Variants in NAIP observed in about 807,000 individuals in gnomAD.
NAIP encodes the protein baculoviral IAP repeat-containing protein 1.
A neutral mutation model predicts 23.0 loss-of-function variants in NAIP; 15 were observed. The ratio of observed to expected loss-of-function variants is 0.65; its 90% confidence interval spans 0.44 to 1.00. NAIP has a LOEUF of 1.00. Ranked by LOEUF, NAIP falls within the 50% of genes least tolerant of loss-of-function variation. The pLI is 0.00. For synonymous variants in NAIP, 100 were observed against 100.2 expected (o/e 1.00, Z 0.01); for missense variants, 265 against 278.8 (o/e 0.95, Z 0.35).
intron 3 of NAIP, among the ~76,000 whole-genome samples, chr5:71,014,417 GATTA>G (rs1561519378): frequency 6.6e-6 from 1 of 151,326 alleles, no homozygotes; most frequent in Non-Finnish European, 1.5e-5. Flanking sequence ...CCCACACCGG[GATTA>G]CAGACGTGAG....
chr5:71,013,785 G>T (rs1751292028), intron 3 of NAIP, among the ~76,000 whole-genome samples: 1 of 151,374 alleles, frequency 6.6e-6, no homozygotes, highest in African/African-American at 2.4e-5. Context: ...TTGGTAAGAA[G>T]CTCCATCAGC....
intron 3 of NAIP, among the ~76,000 whole-genome samples, chr5:71,014,104 T>C (rs1173259534): frequency 1.5e-5 from 2 of 131,992 alleles, no homozygotes; most frequent in African/African-American, 3.0e-5. Context: ...TAATTCCTCC[T>C]TTTTTTTTTT....
At chr5:71,010,067 G>A (rs1217034530) in intron 5 of NAIP, among the ~76,000 whole-genome samples, 1 of 151,466 alleles carries the variant, frequency 6.6e-6, no homozygotes, top group Non-Finnish European at 1.5e-5. Context: ...TTACCTTCCA[G>A]CATACACCAT....
chr5:71,009,362 CAA>C (rs555440243), intron 5 of NAIP, among the ~76,000 whole-genome samples: 7 of 99,672 alleles, frequency 7.0e-5, no homozygotes, highest in Admixed American at 2.1e-4. Flanking sequence ...AACTCACTCT[CAA>C]AAAAAAAAAA....
Position 71,015,213 on chromosome 5 carries a change from A to C in NAIP, c.-3-2295T>G, listed in dbSNP as rs150840497. ...GCAACTTAGTGAGATCCTTGTCTCTACAAAAAATTTTAAAAATTAGCCAGA... is the reference window on the plus strand; with the variant it reads ...GCAACTTAGTGAGATCCTTGTCTCTCCAAAAAATTTTAAAAATTAGCCAGA... On this transcript the variant is annotated intron_variant, in intron 3 of 16. Transcript: ENST00000517649. Among the ~76,000 whole-genome samples, 50 of 151,608 alleles carry C rather than the reference A, an allele frequency of 3.3e-4. No homozygotes were observed. The East Asian group carries it at 9.5e-3, about 29-fold the overall frequency.
Position 71,012,817 on chromosome 5 carries a change from C to T in NAIP, c.99G>A (p.Gln33=). The T allele has an allele frequency of 6.2e-7, 1 of 1,611,980 alleles. No homozygotes were observed. The highest frequency in any genetic ancestry group is 8.5e-7 in the Non-Finnish European group (1 of 1,178,524). Residue 33 remains glutamine, a synonymous_variant, in exon 4 of 17, where the codon CAG becomes CAA. Transcript: ENST00000517649. ...LSALLGLDAV[Q]LAKELEEEEQ... ...CCTCTTCTTCTAGTTCCTTTGCCAA[C>T]TGAACTGCATCTAGGCCCAGAAGAG...
intron 3 of NAIP, among the ~76,000 whole-genome samples, chr5:71,013,866 G>A (rs1269535799): frequency 2.0e-5 from 3 of 151,122 alleles, no homozygotes; most frequent in Non-Finnish European, 4.4e-5. Context: ...TAATCTCTTC[G>A]AAGTTCCCAA....
intron 9 of NAIP, among the ~76,000 whole-genome samples, chr5:70,996,324 AATG>A (rs1205206021): frequency 9.4e-6 from 1 of 106,290 alleles, no homozygotes; most frequent in Non-Finnish European, 2.0e-5. Flanking sequence ...AAGAAATGAA[AATG>A]ATGAGATATC....
rs781336414 is a variant in NAIP at position 70,979,584 on chromosome 5, AAATAATAAT to A, written c.3442+276_3442+284del. 1.2e-4 allele frequency among the ~76,000 whole-genome samples: 5 copies of A among 42,824 alleles called. 2 individuals carry two copies. Among genetic ancestry groups the A allele is most frequent in the Admixed American group, 5.6e-4 (2 of 3,596 alleles). 28.1% of individuals were successfully genotyped at this position (42,824 alleles called of 152,430 possible). On this transcript the variant is annotated intron_variant, in intron 13 of 16. Coordinates refer to ENST00000517649, the MANE Select transcript of NAIP (RefSeq NM_004536.3). ...CGGGAGACTGTCTCAAAAAAAAAAA[AAATAATAAT>A]AATAATAATAATAATAATAGTACTT... is the stretch of plus-strand genomic sequence containing the variant.
chr5:70,979,588 AAT>A (rs1206593309), intron 13 of NAIP, among the ~76,000 whole-genome samples: 1,518 of 21,064 alleles, frequency 0.072, 390 homozygotes, highest in South Asian at 0.22. Flanking sequence ...AAAAAAAAAT[AAT>A]AATAATAATA....
chr5:71,015,265 G>T (rs1420917308), intron 3 of NAIP, among the ~76,000 whole-genome samples: 8 of 151,160 alleles, frequency 5.3e-5, no homozygotes, highest in Non-Finnish European at 1.2e-4. Flanking sequence ...TGTAGTCCCA[G>T]CTACTCGGGG....
At chr5:71,014,867 C>T (rs1254913434) in intron 3 of NAIP, among the ~76,000 whole-genome samples, 2 of 151,540 alleles carry the variant, frequency 1.3e-5, no homozygotes, top group Admixed American at 1.3e-4. Flanking sequence ...CTCGCCATTG[C>T]ACTCCAGCCT....
intron 4 of NAIP, among the ~76,000 whole-genome samples, chr5:71,012,082 C>T (rs530655435): frequency 6.6e-6 from 1 of 151,626 alleles, no homozygotes; most frequent in African/African-American, 2.4e-5. Context: ...CTTAAGAATA[C>T]AGCCAGTATT....
intron 5 of NAIP, among the ~76,000 whole-genome samples, chr5:71,008,364 C>T (rs1439635952): frequency 7.0e-4 from 68 of 97,588 alleles, no homozygotes; most frequent in Non-Finnish European, 1.2e-3. Flanking sequence ...GCCACCATGC[C>T]GGGCCTCCAT....
intron 3 of NAIP, among the ~76,000 whole-genome samples, chr5:71,016,032 A>G (rs1751429004): frequency 6.9e-6 from 1 of 145,024 alleles, no homozygotes; most frequent in South Asian, 2.2e-4. Flanking sequence ...TATAACCCCA[A>G]TGCTCTTGAG....
chr5:71,016,035 C>T (rs1271252072), intron 3 of NAIP, among the ~76,000 whole-genome samples: 1 of 145,354 alleles, frequency 6.9e-6, no homozygotes, highest in African/African-American at 2.5e-5. Flanking sequence ...AACCCCAATG[C>T]TCTTGAGGCC....
chr5:71,016,001 G>A (rs1394784015), intron 3 of NAIP, among the ~76,000 whole-genome samples: 5 of 139,990 alleles, frequency 3.6e-5, no homozygotes, highest in East Asian at 2.1e-4. Context: ...ATGAACAACT[G>A]AGGGTGCGGT....
At position 71,012,565 on chromosome 5, in the gene NAIP, G is replaced by A. The variant is rs1288129671; in HGVS notation, c.351C>T (p.His117=). The change falls in exon 4 of 17, where the codon CAC becomes CAT. Residue 117 remains histidine (H), a synonymous_variant. Transcript: ENST00000517649. ...ACCCACAATCTGGATGAAACCTCTT[G>A]TGGTCTTCTATGGGGAGTCTCGTGA... The part of the protein sequence containing the change: ...AGLTRLPIED[H]KRFHPDCGFL... 6.2e-7 allele frequency: 1 copy of A among 1,611,732 alleles called. No individual in the cohort carries two copies. Among genetic ancestry groups the A allele is most frequent in the African/African-American group, 1.3e-5 (1 of 74,704 alleles).
chr5:71,011,511 A>T (rs1751158256), intron 4 of NAIP, 137 bp from the exon 5 acceptor site: 1 of 725,096 alleles, frequency 1.4e-6, no homozygotes, highest in African/African-American at 1.8e-5. Context: ...CTGAGTCTCC[A>T]TCCTCAATCC....
Sources: allele counts gnomAD v4.1 joint callset (sites outside exome capture counted in the v4.1 genomes callset), GRCh38; gene constraint gnomAD v4.1.1; transcripts MANE v1.5; gene names NCBI Gene and HGNC (gene_info 2026-07-23, HGNC 2026-07-21).